Variants in DGKH observed in about 807,000 individuals in gnomAD.
DGKH encodes the protein DAG kinase eta.
Under a neutral mutation model 159.3 loss-of-function variants are expected in DGKH, and 90 were observed. That is an observed-to-expected ratio of 0.57 (90% confidence interval 0.48 to 0.67). The LOEUF (loss-of-function observed/expected upper bound fraction) is 0.67. Ranked by LOEUF, DGKH falls within the 30% of genes least tolerant of loss-of-function variation. The pLI, the probability that DGKH is intolerant of heterozygous loss-of-function variation, is 0.00. For missense variants in DGKH, 1,181 were observed against 1,506.1 expected (o/e 0.78, Z 3.57); for synonymous variants, 536 against 553.8 (o/e 0.97, Z 0.45).
intron 13 of DGKH, among the ~76,000 whole-genome samples, chr13:42,184,557 G>A (rs1052910429): frequency 2.0e-5 from 3 of 152,046 alleles, no homozygotes; most frequent in Admixed American, 1.3e-4. Flanking sequence ...ATAAAATGTT[G>A]GAAATGCCAA....
At chr13:42,059,304 C>T (rs1881977057) in intron 1 of DGKH, among the ~76,000 whole-genome samples, 1 of 151,524 alleles carries the variant, frequency 6.6e-6, no homozygotes. Flanking sequence ...GGCTGGAGTG[C>T]AGTGGCATGA....
In DGKH at chr13:42,155,485, T is replaced by C. The variant is rs772954930; in HGVS notation, c.489+90T>C. 226 of 1,463,080 alleles carry C rather than the reference T, an allele frequency of 1.5e-4. 2 individuals carry two copies. Among genetic ancestry groups the C allele is most frequent in the Non-Finnish European group, 2.0e-4 (207 of 1,054,852 alleles). The allele number at this position is 1,463,080 out of a possible 1,614,324, so 90.6% of individuals were successfully genotyped here. On this transcript the variant is annotated intron_variant, in intron 4 of 29. Coordinates refer to ENST00000337343, the MANE Select transcript of DGKH (RefSeq NM_178009.5). The stretch of plus-strand genomic sequence containing the variant: ...GCTCTACCGTGCAAACATAAGTATG[T>C]GTACACTCATTCAGCAACTTGTTTA...
chr13:42,059,932 G>T (rs1882028874), intron 1 of DGKH, among the ~76,000 whole-genome samples: 1 of 140,332 alleles, frequency 7.1e-6, no homozygotes, highest in African/African-American at 2.6e-5. Flanking sequence ...TATATATAGA[G>T]TCTCACTCTG....
intron 1 of DGKH, chr13:42,069,218 T>C (rs1821384365): frequency 1.7e-6 from 2 of 1,193,668 alleles, no homozygotes; most frequent in African/African-American, 3.1e-5. Context: ...TCTAAGTAAC[T>C]AGTGTGTTTT....
intron 21 of DGKH, among the ~76,000 whole-genome samples, chr13:42,207,123 CTCCTTCCT>C (rs377514975): frequency 0.014 from 734 of 52,176 alleles, 25 homozygotes; most frequent in Middle Eastern, 0.036. Flanking sequence ...CTCTTTCTCT[CTCCTTCCT>C]TCCTTCCTTC....
At chr13:42,071,204 T>C (rs963962205) in intron 1 of DGKH, 2 of 458,956 alleles carry the variant, frequency 4.4e-6, no homozygotes, top group African/African-American at 4.0e-5. Flanking sequence ...AGAAAAATAA[T>C]TATGCTTCCA....
At chr13:42,095,156 C>CTTTTTTTTTTTTTTTTTTTT in intron 1 of DGKH, among the ~76,000 whole-genome samples, 1 of 76,802 alleles carries the variant, frequency 1.3e-5, no homozygotes, top group Non-Finnish European at 2.3e-5. Flanking sequence ...ATGTTGACTC[C>CTTTTTTTTTTTTTTTTTTTT]TTTTTTTTTT....
At position 42,192,495 on chromosome 13, in the gene DGKH, A is replaced by G. The variant is rs115937146; in HGVS notation, c.2035+1970A>G. The stretch of plus-strand genomic sequence containing the variant: ...TAAGGAGCAATTTCATATACATTTG[A>G]CTGTATCAAAGAGGACTCTGACTCT... On this transcript the variant is annotated intron_variant, in intron 16 of 29. Coordinates refer to ENST00000337343, the MANE Select transcript of DGKH (RefSeq NM_178009.5). Among the ~76,000 whole-genome samples the G allele has an allele frequency of 1.9e-3, 284 of 152,108 alleles. 2 individuals are homozygous for G. The highest frequency in any genetic ancestry group is 6.7e-3 in the African/African-American group (280 of 41,502).
At chr13:42,181,652 A>G (rs968434728) in intron 13 of DGKH, 1 of 333,688 alleles carries the variant, frequency 3.0e-6, no homozygotes, top group African/African-American at 2.1e-5. Flanking sequence ...TGAGCCCAGC[A>G]TTACTTCCTC....
intron 28 of DGKH, among the ~76,000 whole-genome samples, chr13:42,220,251 A>T (rs1172655260): frequency 1.3e-5 from 2 of 152,200 alleles, no homozygotes; most frequent in Non-Finnish European, 1.5e-5. Flanking sequence ...CTTGCCGATT[A>T]CATTTTCCAC....
intron 1 of DGKH, among the ~76,000 whole-genome samples, chr13:42,053,930 A>T (rs1881561228): frequency 6.6e-6 from 1 of 152,134 alleles, no homozygotes; most frequent in South Asian, 2.1e-4. Context: ...AAAAACATGT[A>T]TTTTTAAGCC....
intron 1 of DGKH, among the ~76,000 whole-genome samples, chr13:42,078,480 C>T (rs1447884703): frequency 3.9e-5 from 6 of 152,166 alleles, no homozygotes; most frequent in Non-Finnish European, 1.5e-5. Flanking sequence ...TAAAAGATGG[C>T]CTTTACTTCA....
At chr13:42,217,059 A>C (rs936771682) in intron 26 of DGKH, among the ~76,000 whole-genome samples, 4 of 152,268 alleles carry the variant, frequency 2.6e-5, no homozygotes, top group Admixed American at 2.0e-4. Context: ...TTGGTTTAAA[A>C]TGTGTACTGG....
chr13:42,219,102 C>A, intron 26 of DGKH, 128 bp from the exon 27 acceptor site: 2 of 1,167,684 alleles, frequency 1.7e-6, no homozygotes, highest in Non-Finnish European at 2.3e-6. Flanking sequence ...TCTTAATATT[C>A]CTTAATTTAA....
intron 16 of DGKH, among the ~76,000 whole-genome samples, chr13:42,191,036 G>T (rs1186949429): frequency 6.6e-6 from 1 of 152,134 alleles, no homozygotes; most frequent in Non-Finnish European, 1.5e-5. Context: ...TAAAATCACT[G>T]GACTTCTAAT....
chr13:42,235,594 A>G lies in DGKH; in HGVS notation c.*6406A>G, dbSNP rs1566227618. On this transcript the variant is annotated 3_prime_UTR_variant, in exon 30 of 30. Coordinates refer to ENST00000337343, the MANE Select transcript of DGKH (RefSeq NM_178009.5). ...ATGTTTGATTGCACTATTGTTTCCC[A>G]CAGCTTAGCCGTATCTATTTCTGTA... is the stretch of plus-strand genomic sequence containing the variant. 1 of 152,174 alleles carries G rather than the reference A, an allele frequency of 6.6e-6. No homozygotes were observed. Among genetic ancestry groups the G allele is most frequent in the South Asian group, 2.1e-4 (1 of 4,830 alleles). The allele number at this position is 152,174 out of a possible 1,614,324, so 9.4% of individuals were successfully genotyped here.
intron 7 of DGKH, among the ~76,000 whole-genome samples, chr13:42,162,509 A>G (rs1336391828): frequency 6.6e-6 from 1 of 151,950 alleles, no homozygotes; most frequent in East Asian, 1.9e-4. Flanking sequence ...GCAAAACATC[A>G]TCTCAAAAAA....
rs548651796 is a variant in DGKH, at chr13:42,057,407, C to T, written c.192+8442C>T. Among the ~76,000 whole-genome samples, 15 of 152,050 alleles carry T rather than the reference C, an allele frequency of 9.9e-5. No homozygotes were observed. In the South Asian group the frequency reaches 1.0e-3, roughly 11 times the overall value. On this transcript the variant is annotated intron_variant, in intron 1 of 29. Coordinates refer to ENST00000337343, the MANE Select transcript of DGKH (RefSeq NM_178009.5). ...TGCAAGAGTTTTATCTGAGCAGGCA[C>T]GGTGATTTGAGTTGTATTGTTCCTC...
chr13:42,232,017 T>A lies in DGKH; in HGVS notation c.*2829T>A, dbSNP rs1958308558. 6.6e-6 allele frequency: 1 copy of A among 152,236 alleles called. No homozygotes were observed. The allele number at this position is 152,236 out of a possible 1,614,324, so 9.4% of individuals were successfully genotyped here. On this transcript the variant is annotated 3_prime_UTR_variant, in exon 30 of 30. Coordinates refer to ENST00000337343, the MANE Select transcript of DGKH (RefSeq NM_178009.5). The stretch of plus-strand genomic sequence containing the variant: ...CCAAATGACTTCACTGACACCTGTT[T>A]CCAGGAGGGGGTCTTCAGAGCCTCC...
Sources: gnomAD v4.1 joint callset for allele counts (sites outside exome capture counted in the v4.1 genomes callset) on GRCh38, gnomAD v4.1.1 for gene constraint, MANE v1.5 for transcripts, NCBI Gene and HGNC (gene_info 2026-07-23, HGNC 2026-07-21) for gene names.